The following OR4M1 variants were observed in gnomAD, a reference collection of about 807,000 sequenced individuals.
OR4M1 encodes the protein olfactory receptor family 4 subfamily M member 1.
In OR4M1, 7 loss-of-function variants were observed where a neutral mutation model predicts 9.8. The observed-to-expected ratio is 0.71, with a 90% CI of 0.41 to 1.34. The LOEUF (loss-of-function observed/expected upper bound fraction) is 1.34. Ranked by LOEUF, OR4M1 falls within the 40% of genes most tolerant of loss-of-function variation. The probability of loss-of-function intolerance (pLI) is 0.01; values close to 1 mark genes in which losing one functional copy is unlikely to be tolerated. For missense variants in OR4M1, 331 were observed against 380.4 expected (o/e 0.87, Z 1.08); for synonymous variants, 121 against 139.8 (o/e 0.87, Z 0.95).
intron 1 of OR4M1, among the ~76,000 whole-genome samples, chr14:19,776,624 C>T (rs1419599545): frequency 6.6e-6 from 1 of 152,112 alleles, no homozygotes; most frequent in East Asian, 1.9e-4. Context: ...TCAATGGCAA[C>T]CTTAGAAAAA....
chr14:19,780,776 G>C lies in OR4M1; in HGVS notation c.454G>C (p.Gly152Arg), dbSNP rs757973899. Reference protein sequence around the residue: ...CILVALSWMGGFIHSIIQVAL... With the variant: ...CILVALSWMGRFIHSIIQVAL... ...CCTGGTGGCTCTCTCCTGGATGGGG[G>C]GCTTCATTCATTCTATAATACAGGT... Residue 152 changes from glycine to arginine, a missense_variant, in exon 2 of 2, where the codon GGC (glycine) becomes CGC (arginine). Gly to Arg is a moderately radical substitution (Grantham distance 125). Coordinates refer to ENST00000641200, the MANE Select transcript of OR4M1 (RefSeq NM_001005500.2). The C allele has an allele frequency of 1.3e-5, 21 of 1,614,156 alleles. No homozygotes were observed. In the East Asian group the frequency reaches 4.7e-4, roughly 36 times the overall value.
intron 1 of OR4M1, among the ~76,000 whole-genome samples, chr14:19,779,676 G>T (rs1160183979): frequency 3.9e-5 from 6 of 152,200 alleles, no homozygotes; most frequent in South Asian, 4.1e-4. Flanking sequence ...ACAGCTAGAA[G>T]AATTTTTTAT....
Position 19,780,800 on chromosome 14 carries a change from G to A in OR4M1, c.478G>A (p.Val160Met), listed in dbSNP as rs1177947843. The A allele has an allele frequency of 1.9e-6, 3 of 1,614,196 alleles. No individual in the cohort carries two copies. The Admixed American group carries it at 5.0e-5, about 27-fold the overall frequency. Residue 160 changes from valine (V) to methionine (M), a missense_variant, in exon 2 of 2, where the codon GTG becomes ATG. Transcript: ENST00000641200. Reference sequence around the variant, plus strand: ...GGGCTTCATTCATTCTATAATACAGGTGGCTCTCATTGTTCGACTTCCTTT... The same window carrying A: ...GGGCTTCATTCATTCTATAATACAGATGGCTCTCATTGTTCGACTTCCTTT... ...MGGFIHSIIQ[V>M]ALIVRLPFCG...
chr14:19,780,017 G>A (rs1878420145), intron 1 of OR4M1, among the ~76,000 whole-genome samples: 1 of 152,240 alleles, frequency 6.6e-6, no homozygotes, highest in Admixed American at 6.5e-5. Flanking sequence ...GGAAGAAGTA[G>A]TGCATTGCCG....
Position 19,781,324 on chromosome 14 carries a change from T to C in OR4M1, c.*60T>C. On this transcript the variant is annotated 3_prime_UTR_variant, in exon 2 of 2. Coordinates refer to ENST00000641200, the MANE Select transcript of OR4M1 (RefSeq NM_001005500.2). ...ATCATTGTCCTAAAGCAGGAAGTATTTGCAGTAATAATGCTGCATTCACTT... is the reference window on the plus strand; with the variant it reads ...ATCATTGTCCTAAAGCAGGAAGTATCTGCAGTAATAATGCTGCATTCACTT... The C allele has an allele frequency of 7.2e-7, 1 of 1,383,872 alleles. No homozygotes were observed. The highest frequency in any genetic ancestry group is 9.9e-7 in the Non-Finnish European group (1 of 1,012,730). 85.7% of individuals were successfully genotyped at this position (1,383,872 alleles called of 1,614,324 possible).
chr14:19,780,205 G>C lies in OR4M1; in HGVS notation c.-29-89G>C. The C allele has an allele frequency of 9.5e-6, 11 of 1,156,474 alleles. No homozygotes were observed. In the South Asian group the frequency reaches 1.7e-4, roughly 18 times the overall value. 71.6% of individuals were successfully genotyped at this position (1,156,474 alleles called of 1,614,324 possible). On this transcript the variant is annotated intron_variant, in intron 1 of 1. Transcript: ENST00000641200. ...ATGTATCCTCATGTAATCTGTTAGT[G>C]ACAGAAAACGTATGACAATTTTGAA... is the stretch of plus-strand genomic sequence containing the variant.
intron 1 of OR4M1, among the ~76,000 whole-genome samples, chr14:19,777,939 G>C (rs1255894857): frequency 6.6e-6 from 1 of 152,042 alleles, no homozygotes; most frequent in Non-Finnish European, 1.5e-5. Flanking sequence ...TTGGGAGTAG[G>C]GAGTTTGATT....
In OR4M1 at chr14:19,780,946, G is replaced by C. The variant is rs146001200; in HGVS notation, c.624G>C (p.Val208=). 1.8e-3 allele frequency: 2,886 copies of C among 1,613,948 alleles called. 36 individuals are homozygous for C. In the African/African-American group the frequency reaches 0.035, roughly 19 times the overall value. Residue 208 remains valine (V), a synonymous_variant, in exon 2 of 2, where the codon GTG becomes GTC. Coordinates refer to ENST00000641200, the MANE Select transcript of OR4M1 (RefSeq NM_001005500.2). ...VMICSSGLIS[V]VCFIALLMSY... ...TCTGTAGTAGTGGTCTGATCTCTGT[G>C]GTGTGTTTCATTGCTCTGTTAATGT...
intron 1 of OR4M1, among the ~76,000 whole-genome samples, chr14:19,775,399 A>T (rs965199336): frequency 6.6e-6 from 1 of 152,098 alleles, no homozygotes; most frequent in Non-Finnish European, 1.5e-5. Flanking sequence ...CCAGCCTGTC[A>T]TAATAGCCAC....
In OR4M1 at chr14:19,781,203, A is replaced by T. The variant is rs1162728177; in HGVS notation, c.881A>T (p.Lys294Met). 6.2e-7 allele frequency: 1 copy of T among 1,614,070 alleles called. No homozygotes were observed. The highest frequency in any genetic ancestry group is 1.7e-5 in the Admixed American group (1 of 60,004). ...LNPIIYTLRNKEVKAAMRKVV... is the reference protein window; with the variant it reads ...LNPIIYTLRNMEVKAAMRKVV... Reference sequence around the variant, plus strand: ...CCCATTATTTACACATTGAGAAACAAGGAAGTAAAGGCAGCCATGAGGAAG... The same window carrying T: ...CCCATTATTTACACATTGAGAAACATGGAAGTAAAGGCAGCCATGAGGAAG... Residue 294 changes from lysine to methionine, a missense_variant, in exon 2 of 2, where the codon AAG becomes ATG. Coordinates refer to ENST00000641200, the MANE Select transcript of OR4M1 (RefSeq NM_001005500.2).
chr14:19,778,619 C>T (rs936575804), intron 1 of OR4M1, among the ~76,000 whole-genome samples: 12 of 152,196 alleles, frequency 7.9e-5, no homozygotes, highest in Non-Finnish European at 1.8e-4. Flanking sequence ...TCATAGTTGA[C>T]TTATCAGTGA....
At position 19,781,179 on chromosome 14, in the gene OR4M1, C is replaced by G; in HGVS notation, c.857C>G (p.Pro286Arg). 6.2e-7 allele frequency: 1 copy of G among 1,614,116 alleles called. No individual in the cohort carries two copies. The highest frequency in any genetic ancestry group is 1.1e-5 in the South Asian group (1 of 91,080). ...FHTVIFPLLN[P>R]IIYTLRNKEV... ...ACTGTAATATTCCCTTTACTTAATC[C>G]CATTATTTACACATTGAGAAACAAG... Residue 286 changes from proline (P) to arginine (R), a missense_variant, in exon 2 of 2, where the codon CCC (proline) becomes CGC (arginine). By Grantham distance (103) the Pro-to-Arg change is moderately radical (BLOSUM62 -2). Around this residue, in one of 2 missense-constraint regions of OR4M1, gnomAD observed 122 missense variants for 180.5 expected, o/e 0.68. Transcript: ENST00000641200.
intron 1 of OR4M1, among the ~76,000 whole-genome samples, chr14:19,774,754 G>T (rs144554740): frequency 6.6e-6 from 1 of 152,172 alleles, no homozygotes; most frequent in Non-Finnish European, 1.5e-5. Context: ...ACCATTATAT[G>T]CATTAATCAC....
intron 1 of OR4M1, among the ~76,000 whole-genome samples, chr14:19,773,807 T>A (rs952348246): frequency 1.3e-5 from 2 of 152,222 alleles, no homozygotes; most frequent in Non-Finnish European, 2.9e-5. Flanking sequence ...TTCTCGGCCT[T>A]GATCTCAATA....
At chr14:19,774,253 T>C (rs1422228195) in intron 1 of OR4M1, among the ~76,000 whole-genome samples, 1 of 152,264 alleles carries the variant, frequency 6.6e-6, no homozygotes, top group East Asian at 1.9e-4. Flanking sequence ...AAATTAGGAA[T>C]TATGTAACAG....
In OR4M1 at chr14:19,782,349, G is replaced by A. The variant is rs1312647866; in HGVS notation, c.*1085G>A. The A allele has an allele frequency of 6.6e-6, 1 of 152,140 alleles. No homozygotes were observed. The highest frequency in any genetic ancestry group is 6.5e-5 in the Admixed American group (1 of 15,280). The allele number at this position is 152,140 out of a possible 1,614,324, so 9.4% of individuals were successfully genotyped here. ...TAGAACATTTGATTTTATAGGTTAT[G>A]TTTTTTACTTAAATTTATTAGTTTT... On this transcript the variant is annotated 3_prime_UTR_variant, in exon 2 of 2. Coordinates refer to ENST00000641200, the MANE Select transcript of OR4M1 (RefSeq NM_001005500.2).
intron 1 of OR4M1, 168 bp from the exon 2 acceptor site, chr14:19,780,126 G>A: frequency 1.6e-6 from 1 of 621,860 alleles, no homozygotes; most frequent in Non-Finnish European, 2.7e-6. Context: ...CAATTTATAA[G>A]TTCATCACAT....
intron 1 of OR4M1, 96 bp from the exon 2 acceptor site, chr14:19,780,198 T>G (rs1239766747): frequency 4.6e-6 from 5 of 1,082,722 alleles, no homozygotes; most frequent in Non-Finnish European, 6.6e-6. Flanking sequence ...TCATGTAATC[T>G]GTTAGTGACA....
At chr14:19,777,915 G>A (rs1878359129) in intron 1 of OR4M1, among the ~76,000 whole-genome samples, 1 of 152,060 alleles carries the variant, frequency 6.6e-6, no homozygotes, top group Non-Finnish European at 1.5e-5. Context: ...AGTAGTGGCT[G>A]AGCATTACTA....
Sources: gnomAD v4.1 joint callset for allele counts (sites outside exome capture counted in the v4.1 genomes callset) on GRCh38, gnomAD v4.1.1 for gene constraint, gnomAD v4.1.1 regional missense constraint, MANE v1.5 for transcripts, NCBI Gene and HGNC (gene_info 2026-07-23, HGNC 2026-07-21) for gene names.